Variants in P2RX7 observed in about 807,000 individuals in gnomAD.
P2RX7 encodes purinergic receptor P2X 7.
Under a neutral mutation model 71.6 loss-of-function variants are expected in P2RX7, and 62 were observed. That is an observed-to-expected ratio of 0.87 (90% CI 0.71 to 1.07). The LOEUF (loss-of-function observed/expected upper bound fraction) is 1.07. P2RX7 is among the 50% of genes least tolerant of loss of function. The pLI is 0.00. For synonymous variants in P2RX7, 299 were observed against 283.3 expected (o/e 1.06, Z -0.56); for missense variants, 686 against 748.5 (o/e 0.92, Z 0.97).
At chr12:121,137,742 G>C (rs765548059) in intron 1 of P2RX7, among the ~76,000 whole-genome samples, 1 of 152,192 alleles carries the variant, frequency 6.6e-6, no homozygotes, top group Non-Finnish European at 1.5e-5. Context: ...ATAGGAATTG[G>C]GGAATGTATT....
chr12:121,181,470 T>C (rs1410456513), intron 12 of P2RX7, among the ~76,000 whole-genome samples: 1 of 152,104 alleles, frequency 6.6e-6, no homozygotes, highest in Non-Finnish European at 1.5e-5. Flanking sequence ...TGCTGAAAAA[T>C]GGTTGTTCAC....
At chr12:121,168,247 C>T (rs1180114699) in intron 8 of P2RX7, among the ~76,000 whole-genome samples, 1 of 146,834 alleles carries the variant, frequency 6.8e-6, no homozygotes, top group Non-Finnish European at 1.5e-5. Flanking sequence ...ACAACTGCTA[C>T]AATTCAGGCA....
chr12:121,171,357 CTCTTTTTT>C (rs1565968266), intron 8 of P2RX7, among the ~76,000 whole-genome samples: 1 of 131,910 alleles, frequency 7.6e-6, no homozygotes, highest in African/African-American at 2.9e-5. Context: ...TGTCTTCAAT[CTCTTTTTT>C]TTTTTTTTTT....
chr12:121,168,280 CT>C (rs1555227620), intron 8 of P2RX7, among the ~76,000 whole-genome samples: 139 of 143,206 alleles, frequency 9.7e-4, no homozygotes, highest in South Asian at 2.0e-3. Context: ...CTTTTCTTTT[CT>C]TTTTTTTTTT....
At chr12:121,150,719 A>C (rs1877204861) in intron 1 of P2RX7, among the ~76,000 whole-genome samples, 1 of 152,084 alleles carries the variant, frequency 6.6e-6, no homozygotes, top group Non-Finnish European at 1.5e-5. Flanking sequence ...GACCAGCCTG[A>C]CCAACATGGA....
chr12:121,134,061 T>C (rs1872986945), intron 1 of P2RX7, among the ~76,000 whole-genome samples: 1 of 152,212 alleles, frequency 6.6e-6, no homozygotes, highest in Non-Finnish European at 1.5e-5. Flanking sequence ...TAGTACTCCA[T>C]TGCATGGATA....
At chr12:121,158,600 C>T (rs533019737) in intron 3 of P2RX7, among the ~76,000 whole-genome samples, 1 of 152,206 alleles carries the variant, frequency 6.6e-6, no homozygotes, top group Non-Finnish European at 1.5e-5. Context: ...AGTCACAGCA[C>T]AGGCTCAGCT....
chr12:121,161,246 T>G (rs1178945433), intron 4 of P2RX7, among the ~76,000 whole-genome samples: 3 of 152,206 alleles, frequency 2.0e-5, no homozygotes, highest in Non-Finnish European at 2.9e-5. Flanking sequence ...ACATGGCCTA[T>G]AGCATCATCT....
chr12:121,151,340 A>G (rs1365083358), intron 1 of P2RX7, among the ~76,000 whole-genome samples: 1 of 150,896 alleles, frequency 6.6e-6, no homozygotes, highest in Non-Finnish European at 1.5e-5. Flanking sequence ...CTCCGTCTCC[A>G]GGGTTCCTGC....
intron 1 of P2RX7, among the ~76,000 whole-genome samples, chr12:121,152,308 G>A (rs1240404660): frequency 6.6e-6 from 1 of 152,006 alleles, no homozygotes; most frequent in African/African-American, 2.4e-5. Context: ...CTGCTGCAAA[G>A]CATCTCATTT....
chr12:121,187,348 C>A lies in P2RX7; in HGVS notation c.*2546C>A, dbSNP rs748163567. On this transcript the variant is annotated 3_prime_UTR_variant, in exon 13 of 13. Coordinates refer to ENST00000328963, the MANE Select transcript of P2RX7 (RefSeq NM_002562.6). Reference sequence around the variant, plus strand: ...TTTATTTGGCTTTAAACTCAGGAACCAAGTTAATTATGCCAGATTGAACTT... The same window carrying A: ...TTTATTTGGCTTTAAACTCAGGAACAAAGTTAATTATGCCAGATTGAACTT... 6.6e-6 allele frequency: 1 copy of A among 152,128 alleles called. No homozygotes were observed. Among genetic ancestry groups the A allele is most frequent in the African/African-American group, 2.4e-5 (1 of 41,424 alleles). The allele number at this position is 152,128 out of a possible 1,614,324, so 9.4% of individuals were successfully genotyped here.
intron 8 of P2RX7, among the ~76,000 whole-genome samples, 190 bp downstream of exon 8, chr12:121,167,814 CTTA>C (rs148861850): frequency 0.031 from 4,735 of 151,320 alleles, 229 homozygotes; most frequent in African/African-American, 0.11. Context: ...TTATTTTTTA[CTTA>C]TTTTTTTTTT....
chr12:121,160,690 A>G (rs138240649), intron 3 of P2RX7, among the ~76,000 whole-genome samples: 19 of 152,172 alleles, frequency 1.2e-4, no homozygotes, highest in African/African-American at 4.1e-4. Flanking sequence ...CATCCTTCTT[A>G]TGGCTAAATA....
intron 8 of P2RX7, among the ~76,000 whole-genome samples, chr12:121,174,832 C>T (rs1882805704): frequency 6.6e-6 from 1 of 151,836 alleles, no homozygotes; most frequent in Non-Finnish European, 1.5e-5. Flanking sequence ...GATTTTCCGT[C>T]ACTCTGAGAT....
At chr12:121,134,122 T>A (rs1457502686) in intron 1 of P2RX7, among the ~76,000 whole-genome samples, 1 of 152,244 alleles carries the variant, frequency 6.6e-6, no homozygotes, top group Non-Finnish European at 1.5e-5. Flanking sequence ...GGGTTGTTTC[T>A]CTTTTTTGGC....
intron 1 of P2RX7, among the ~76,000 whole-genome samples, chr12:121,135,418 A>G (rs1873343197): frequency 6.6e-6 from 1 of 151,946 alleles, no homozygotes; most frequent in South Asian, 2.1e-4. Flanking sequence ...ATTTTTATCT[A>G]TATCCTCTGC....
chr12:121,141,192 A>C (rs1041422326), intron 1 of P2RX7, among the ~76,000 whole-genome samples: 5 of 152,196 alleles, frequency 3.3e-5, no homozygotes, highest in African/African-American at 1.2e-4. Flanking sequence ...AAAACACCAA[A>C]ATAGCTGGAA....
chr12:121,163,937 G>A (rs925580513), intron 5 of P2RX7, among the ~76,000 whole-genome samples: 2 of 152,092 alleles, frequency 1.3e-5, no homozygotes, highest in African/African-American at 4.8e-5. Context: ...ATGCCGGGAT[G>A]GGGGGTGCGC....
chr12:121,160,048 T>G (rs1232329654), intron 3 of P2RX7, among the ~76,000 whole-genome samples: 1 of 152,224 alleles, frequency 6.6e-6, no homozygotes, highest in Admixed American at 6.5e-5. Context: ...ATCACAGAGT[T>G]GTGCAACCAT....
Sources: allele counts gnomAD v4.1 joint callset (sites outside exome capture counted in the v4.1 genomes callset), GRCh38; gene constraint gnomAD v4.1.1; transcripts MANE v1.5; gene names NCBI Gene and HGNC (gene_info 2026-07-23, HGNC 2026-07-21).